The following MYO18B variants were observed in gnomAD, a reference collection of about 807,000 sequenced individuals.
MYO18B encodes unconventional myosin-XVIIIb.
A neutral mutation model predicts 273.0 loss-of-function variants in MYO18B; 204 were observed. The ratio of observed to expected loss-of-function variants is 0.75; its 90% confidence interval spans 0.67 to 0.84. MYO18B has a LOEUF of 0.84. MYO18B is among the 40% of genes least tolerant of loss of function. The probability of loss-of-function intolerance (pLI) is 0.00; values close to 1 mark genes in which losing one functional copy is unlikely to be tolerated. For synonymous variants in MYO18B, 1,330 were observed against 1,305.7 expected, an observed-to-expected ratio of 1.02 and a Z score of -0.40; for missense variants, 3,212 against 3,287.6, an observed-to-expected ratio of 0.98 and a Z score of 0.56.
chr22:25,955,190 C>A lies in MYO18B; in HGVS notation c.5982C>A (p.Ile1994=), dbSNP rs1440086738. ...TCTGCCCCTCCCAGGTCCTGGTGATCCGGCTTCGGGACAGCCTGATCAAGA... is the reference window on the plus strand; with the variant it reads ...TCTGCCCCTCCCAGGTCCTGGTGATACGGCTTCGGGACAGCCTGATCAAGA... ...VQIKRFEVLV[I]RLRDSLIKMG... is the part of the protein sequence containing the mutation. The change falls in exon 39 of 44, where the codon ATC becomes ATA. Residue 1994 remains isoleucine, a synonymous_variant. Coordinates refer to ENST00000335473, the MANE Select transcript of MYO18B (RefSeq NM_032608.7). 6.2e-7 allele frequency: 1 copy of A among 1,606,512 alleles called. No homozygotes were observed. Among genetic ancestry groups the A allele is most frequent in the Non-Finnish European group, 8.5e-7 (1 of 1,176,052 alleles).
At chr22:25,815,246 A>AG (rs2145848964) in intron 12 of MYO18B, among the ~76,000 whole-genome samples, 1 of 152,320 alleles carries the variant, frequency 6.6e-6, no homozygotes, top group Non-Finnish European at 1.5e-5. Context: ...AGAGCATTAG[A>AG]GGGGACCATC....
chr22:25,858,026 G>A lies in MYO18B; in HGVS notation c.3885+6447G>A, dbSNP rs570519807. Reference sequence around the variant, plus strand: ...AATCAACCCAATGTAATTGGTGTGTGCATGTGCATTTGGTTTTTGGATAGT... The same window carrying A: ...AATCAACCCAATGTAATTGGTGTGTACATGTGCATTTGGTTTTTGGATAGT... On this transcript the variant is annotated intron_variant, in intron 21 of 43. Coordinates refer to ENST00000335473, the MANE Select transcript of MYO18B (RefSeq NM_032608.7). 2.0e-5 allele frequency among the ~76,000 whole-genome samples: 3 copies of A among 152,362 alleles called. No individual in the cohort carries two copies. In the East Asian group the frequency reaches 5.8e-4, roughly 29 times the overall value.
chr22:25,798,941 C>G (rs933989088), intron 12 of MYO18B, among the ~76,000 whole-genome samples: 4 of 152,030 alleles, frequency 2.6e-5, no homozygotes, highest in African/African-American at 9.7e-5. Flanking sequence ...GTATCCTTGT[C>G]CCCATCCTTA....
intron 39 of MYO18B, among the ~76,000 whole-genome samples, chr22:25,977,359 C>T (rs1569256651): frequency 1.4e-5 from 2 of 147,716 alleles, no homozygotes; most frequent in Admixed American, 6.7e-5. Context: ...GTTGCTGTGT[C>T]TGTAACCCAA....
intron 11 of MYO18B, among the ~76,000 whole-genome samples, chr22:25,792,914 A>T (rs1048119314): frequency 1.3e-5 from 2 of 152,204 alleles, no homozygotes; most frequent in East Asian, 3.9e-4. Flanking sequence ...AATGTCTCCC[A>T]GCCCATGGTG....
intron 34 of MYO18B, among the ~76,000 whole-genome samples, chr22:25,943,113 C>G (rs907314581): frequency 2.0e-5 from 3 of 152,064 alleles, no homozygotes; most frequent in African/African-American, 7.2e-5. Context: ...TTTACAATGA[C>G]TCTCTCTTGC....
chr22:25,828,727 C>T, intron 14 of MYO18B, 49 bp from the exon 15 acceptor site: 1 of 1,566,628 alleles, frequency 6.4e-7, no homozygotes, highest in Middle Eastern at 1.7e-4. Flanking sequence ...CAGTGTGCTC[C>T]TAGATTCCAT....
chr22:25,955,123 G>A, intron 38 of MYO18B, 56 bp from the exon 39 acceptor site: 1 of 1,481,668 alleles, frequency 6.7e-7, no homozygotes, highest in Non-Finnish European at 9.0e-7. Flanking sequence ...AGGCTCCCTT[G>A]TTTCATACCC....
intron 8 of MYO18B, among the ~76,000 whole-genome samples, chr22:25,779,003 C>T (rs2087028543): frequency 6.6e-6 from 1 of 152,028 alleles, no homozygotes; most frequent in Non-Finnish European, 1.5e-5. Context: ...TTCATTATTG[C>T]ACACTCTGAA....
intron 33 of MYO18B, among the ~76,000 whole-genome samples, chr22:25,914,318 A>G (rs1477195467): frequency 1.3e-5 from 2 of 152,236 alleles, no homozygotes; most frequent in Non-Finnish European, 2.9e-5. Context: ...TTGATTTACA[A>G]GTTAGTTGGG....
At chr22:25,875,328 C>T (rs145650227) in intron 23 of MYO18B, among the ~76,000 whole-genome samples, 3 of 152,356 alleles carry the variant, frequency 2.0e-5, no homozygotes, top group Non-Finnish European at 2.9e-5. Flanking sequence ...TCCGTAAATA[C>T]ATAAAATAAC....
chr22:25,933,885 GT>G lies in MYO18B; in HGVS notation c.5518-12247del, dbSNP rs1419791316. ...GTATCTCTGGGTCATAGTACACATG[GT>G]TTTTGTCTTTAGCAGATACTACAAA... is the stretch of plus-strand genomic sequence containing the variant. On this transcript the variant is annotated intron_variant, in intron 34 of 43. Transcript: ENST00000335473. Among the ~76,000 whole-genome samples, 3 of 152,244 alleles carry G rather than the reference GT, an allele frequency of 2.0e-5. No homozygotes were observed. In the East Asian group the frequency reaches 5.8e-4, roughly 29 times the overall value.
intron 27 of MYO18B, chr22:25,894,703 C>G (rs1231581335): frequency 6.5e-6 from 1 of 153,604 alleles, no homozygotes; most frequent in Non-Finnish European, 1.4e-5. Context: ...CTCTTTTTAT[C>G]TGATTATTGT....
At chr22:25,931,191 G>A (rs1264551366) in intron 34 of MYO18B, among the ~76,000 whole-genome samples, 1 of 152,188 alleles carries the variant, frequency 6.6e-6, no homozygotes, top group Non-Finnish European at 1.5e-5. Flanking sequence ...ATAACCTCCT[G>A]TCGGAGAAGA....
intron 42 of MYO18B, among the ~76,000 whole-genome samples, chr22:26,019,134 G>T (rs890485366): frequency 1.3e-5 from 2 of 152,122 alleles, no homozygotes; most frequent in African/African-American, 4.8e-5. Context: ...CCCCAGGAGG[G>T]GAGGGCAGCC....
chr22:26,048,890 C>G, the MYO18B span, among the ~76,000 whole-genome samples: 10 of 152,204 alleles, frequency 6.6e-5, no homozygotes, highest in East Asian at 1.9e-3. Flanking sequence ...AATGGTTGAA[C>G]CAATTTACAC....
In MYO18B at chr22:25,947,808, C is replaced by T. The variant is rs367588045; in HGVS notation, c.5728C>T (p.His1910Tyr). 5 of 1,613,672 alleles carry T rather than the reference C, an allele frequency of 3.1e-6. No individual in the cohort carries two copies. Among genetic ancestry groups the T allele is most frequent in the Non-Finnish European group, 4.2e-6 (5 of 1,179,790 alleles). ...TGACCTGAATGAGCTGATGCAGAAGCACAAGGACCTCATTGCTCAGGTAGT... is the reference window on the plus strand; with the variant it reads ...TGACCTGAATGAGCTGATGCAGAAGTACAAGGACCTCATTGCTCAGGTAGT... ...QDDLNELMQK[H>Y]KDLIAQSAAD... Residue 1910 changes from histidine to tyrosine, a missense_variant, in exon 36 of 44, where the codon CAC becomes TAC. Transcript: ENST00000335473.
At position 25,895,268 on chromosome 22, in the gene MYO18B, G is replaced by A; in HGVS notation, c.4656G>A (p.Glu1552=). The A allele has an allele frequency of 6.2e-7, 1 of 1,600,614 alleles. No individual in the cohort carries two copies. Among genetic ancestry groups the A allele is most frequent in the Non-Finnish European group, 8.5e-7 (1 of 1,173,614 alleles). ...ACTCGGAGCTGACAGCCAGGAAAGA[G>A]CTGGAGCAAAAGGTAAGATGTGGGG... ...RLDSELTARK[E]LEQKLGELQS... Residue 1552 remains glutamate, a synonymous_variant, in exon 28 of 44, where the codon GAG becomes GAA. Coordinates refer to ENST00000335473, the MANE Select transcript of MYO18B (RefSeq NM_032608.7).
At chr22:25,918,164 C>T (rs1362796176) in intron 33 of MYO18B, among the ~76,000 whole-genome samples, 1 of 152,132 alleles carries the variant, frequency 6.6e-6, no homozygotes, top group African/African-American at 2.4e-5. Context: ...CTCAGGCAGC[C>T]AGTTCTGCCA....
Sources: allele counts gnomAD v4.1 joint callset (sites outside exome capture counted in the v4.1 genomes callset), GRCh38; gene constraint gnomAD v4.1.1; transcripts MANE v1.5; gene names NCBI Gene and HGNC (gene_info 2026-07-23, HGNC 2026-07-21).